Variants in CFAP99 observed in about 807,000 individuals in gnomAD.
CFAP99 encodes cilia and flagella associated protein 99.
CFAP99 carries 84 observed loss-of-function variants against 82.7 expected under a neutral mutation model. The observed-to-expected ratio is 1.02, with a 90% CI of 0.85 to 1.22. The LOEUF (loss-of-function observed/expected upper bound fraction) is 1.22, where lower values mean the gene tolerates loss of function less well. CFAP99 is among the 50% of genes most tolerant of loss of function. The pLI is 0.00. For missense variants in CFAP99, 1,059 were observed against 983.5 expected (o/e 1.08, Z -1.03); for synonymous variants, 456 against 429.5 (o/e 1.06, Z -0.76).
chr4:2,440,047 G>A (rs892670892), intron 4 of CFAP99, among the ~76,000 whole-genome samples: 6 of 151,340 alleles, frequency 4.0e-5, no homozygotes, highest in Non-Finnish European at 8.8e-5. Context: ...TCACCATGTT[G>A]GCCAGGCTGG....
intron 11 of CFAP99, among the ~76,000 whole-genome samples, chr4:2,457,599 ACTCAGGCC>A (rs1443456389): frequency 6.6e-6 from 1 of 152,184 alleles, no homozygotes; most frequent in Non-Finnish European, 1.5e-5. Context: ...GTGACCCTGG[ACTCAGGCC>A]CTCAGGCTGA....
intron 10 of CFAP99, 24 bp downstream of exon 10, chr4:2,451,376 C>G: frequency 1.3e-6 from 2 of 1,532,794 alleles, no homozygotes; most frequent in Non-Finnish European, 1.7e-6. Flanking sequence ...GGCCCCCCCA[C>G]CTGCCTTCCA....
chr4:2,433,562 G>A (rs924158334), intron 2 of CFAP99, among the ~76,000 whole-genome samples: 3 of 152,098 alleles, frequency 2.0e-5, no homozygotes, highest in Non-Finnish European at 4.4e-5. Flanking sequence ...AGCTCAGTGG[G>A]GGAGCCCTCA....
chr4:2,431,686 T>C (rs553241041), intron 2 of CFAP99, among the ~76,000 whole-genome samples: 56 of 152,194 alleles, frequency 3.7e-4, no homozygotes, highest in African/African-American at 1.3e-3. Context: ...CCCAACCTCA[T>C]GTGCGGGCAA....
intron 2 of CFAP99, chr4:2,426,880 C>A (rs1733696171): frequency 2.9e-6 from 1 of 341,530 alleles, no homozygotes. Flanking sequence ...CCTGGAGCGC[C>A]CCCATGCCCC....
chr4:2,441,807 C>T (rs925152881), intron 4 of CFAP99, among the ~76,000 whole-genome samples: 6 of 152,172 alleles, frequency 3.9e-5, no homozygotes, highest in East Asian at 1.9e-4. Context: ...GCTACTGGGA[C>T]GCCACCTTGT....
At position 2,462,402 on chromosome 4, in the gene CFAP99, T is replaced by G; in HGVS notation, c.1662-41T>G. The G allele has an allele frequency of 1.4e-6, 2 of 1,394,838 alleles. No individual in the cohort carries two copies. Among genetic ancestry groups the G allele is most frequent in the Non-Finnish European group, 1.8e-6 (2 of 1,087,566 alleles). The allele number at this position is 1,394,838 out of a possible 1,614,324, so 86.4% of individuals were successfully genotyped here. ...TGGCATCCTGGGTCTGGCCTGGGCC[T>G]CCCGCCGGCCTGCTCCTGAGCCCGC... On this transcript the variant is annotated intron_variant, in intron 14 of 14. Coordinates refer to ENST00000635017, the Ensembl canonical transcript of CFAP99. The surrounding 1 kb of genome is among the most constrained non-coding windows in gnomAD (Gnocchi z 4.1).
chr4:2,459,385 C>T (rs1308209656), intron 13 of CFAP99, 127 bp downstream of exon 13: 12 of 1,163,346 alleles, frequency 1.0e-5, no homozygotes, highest in Middle Eastern at 2.6e-4. Context: ...ACCTGGCCCG[C>T]CACCCTCCGT....
At chr4:2,445,555 G>C (rs1450524312) in intron 6 of CFAP99, among the ~76,000 whole-genome samples, 2 of 152,160 alleles carry the variant, frequency 1.3e-5, no homozygotes, top group Non-Finnish European at 1.5e-5. Context: ...AGTAGGTGTT[G>C]AGTGGAGCTG....
chr4:2,456,950 CTT>C (rs574632036), intron 11 of CFAP99, among the ~76,000 whole-genome samples: 206 of 109,420 alleles, frequency 1.9e-3, no homozygotes, highest in African/African-American at 2.9e-3. Flanking sequence ...TCTTTGAATA[CTT>C]TTTTTTTTTT....
exon 3 of CFAP99, chr4:2,436,884 C>A: frequency 6.5e-7 from 1 of 1,536,028 alleles, no homozygotes; most frequent in Non-Finnish European, 8.7e-7. Flanking sequence ...GCTCTGAGCC[C>A]CCAGAAGCAG....
At chr4:2,436,741 T>C (rs1733916525) in intron 2 of CFAP99, 133 bp from the exon 3 acceptor site, 1 of 692,420 alleles carries the variant, frequency 1.4e-6, no homozygotes, top group Non-Finnish European at 2.4e-6. Flanking sequence ...CCAGCTGCCT[T>C]GGGGGCCCCA....
rs955355301 is a variant in CFAP99, at chr4:2,446,553, C to T, written c.642+1245C>T. Reference sequence around the variant, plus strand: ...GATTACAGGTACCGGCCACCACACCCGGCTAATTTTTATATTTTTAGTAGA... The same window carrying T: ...GATTACAGGTACCGGCCACCACACCTGGCTAATTTTTATATTTTTAGTAGA... On this transcript the variant is annotated intron_variant, in intron 6 of 14. Transcript: ENST00000635017. The surrounding 1 kb of genome is among the most constrained non-coding windows in gnomAD (Gnocchi z 5.0). Among the ~76,000 whole-genome samples the T allele has an allele frequency of 3.3e-5, 5 of 152,034 alleles. No homozygotes were observed. The highest frequency in any genetic ancestry group is 1.2e-4 in the African/African-American group (5 of 41,404).
chr4:2,462,514 G>A lies in CFAP99; in HGVS notation c.1733G>A (p.Arg578Gln), dbSNP rs986038189. The A allele has an allele frequency of 2.7e-6, 4 of 1,477,230 alleles. No homozygotes were observed. The highest frequency in any genetic ancestry group is 3.6e-6 in the Non-Finnish European group (4 of 1,122,698). 91.5% of individuals were successfully genotyped at this position (1,477,230 alleles called of 1,614,324 possible). A position where few individuals can be genotyped will look rare whatever the true frequency, so the allele number is the denominator to read the frequency against. Residue 578 changes from arginine (R) to glutamine (Q), a missense_variant, in exon 15 of 15, where the codon CGG (arginine) becomes CAG (glutamine). Coordinates refer to ENST00000635017, the Ensembl canonical transcript of CFAP99. This position sits in a 1 kb window ranked among gnomAD's most constrained non-coding sequence, Gnocchi z 4.1. Reference sequence around the variant, plus strand: ...CAGGACGAGCGCGTGCAGCAGCTGCGGCGCAGGATCTCGGAGAGGGCGGCC... The same window carrying A: ...CAGGACGAGCGCGTGCAGCAGCTGCAGCGCAGGATCTCGGAGAGGGCGGCC...
chr4:2,419,830 A>T (rs901299955), intron 1 of CFAP99, among the ~76,000 whole-genome samples: 14 of 152,198 alleles, frequency 9.2e-5, no homozygotes, highest in African/African-American at 3.1e-4. Context: ...CCTACCACCC[A>T]GTCGACCCTC....
chr4:2,431,969 G>A (rs550550145), intron 2 of CFAP99, among the ~76,000 whole-genome samples: 3 of 152,214 alleles, frequency 2.0e-5, no homozygotes, highest in East Asian at 3.9e-4. Context: ...CCATCTGTTC[G>A]GACCGGTGTC....
At chr4:2,437,166 A>G (rs1733934115) in intron 3 of CFAP99, 148 bp downstream of exon 3, 1 of 982,708 alleles carries the variant, frequency 1.0e-6, no homozygotes, top group East Asian at 2.6e-5. Flanking sequence ...TCCTCACCTC[A>G]CTTGGTCCTT....
intron 4 of CFAP99, among the ~76,000 whole-genome samples, chr4:2,438,466 G>A (rs1178703157): frequency 6.6e-6 from 1 of 151,986 alleles, no homozygotes; most frequent in African/African-American, 2.4e-5. Context: ...GTTTCACCAT[G>A]TTACCCAGGA....
Position 2,462,537 on chromosome 4 carries a change from GC to G in CFAP99, c.1758del (p.Glu587SerfsTer23). ...GCGGCGCAGGATCTCGGAGAGGGCG[GC>G]CGAGCGCAGCAGGCAGGCGGCCTTG... On this transcript the variant is annotated frameshift_variant, in exon 15 of 15. Transcript: ENST00000635017. LOFTEE classifies it low-confidence loss of function (END_TRUNC). The surrounding 1 kb of genome is among the most constrained non-coding windows in gnomAD (Gnocchi z 4.1). 3 of 1,469,992 alleles carry G rather than the reference GC, an allele frequency of 2.0e-6. 1 individual carries two copies. The African/African-American group carries it at 4.4e-5, about 22-fold the overall frequency. 91.1% of individuals were successfully genotyped at this position (1,469,992 alleles called of 1,614,324 possible). A position where few individuals can be genotyped will look rare whatever the true frequency, so the allele number is the denominator to read the frequency against.
Sources: allele counts gnomAD v4.1 joint callset (sites outside exome capture counted in the v4.1 genomes callset), GRCh38; gene constraint gnomAD v4.1.1; non-coding constraint Gnocchi (gnomAD v3.1); transcripts MANE v1.5; gene names NCBI Gene and HGNC (gene_info 2026-07-23, HGNC 2026-07-21).